The following SGMS1 variants were observed in gnomAD, a reference collection of about 807,000 sequenced individuals.
SGMS1 encodes sphingomyelin synthase 1.
SGMS1 carries 13 observed loss-of-function variants against 46.2 expected under a neutral mutation model. That is an observed-to-expected ratio of 0.28 (90% CI 0.18 to 0.45). The LOEUF is 0.45. Among genes scored for constraint, SGMS1 ranks in the 20% least tolerant of loss-of-function variants. The pLI, the probability that SGMS1 is intolerant of heterozygous loss-of-function variation, is 1.00. For missense variants in SGMS1, 324 were observed against 519.9 expected, an observed-to-expected ratio of 0.62 and a Z score of 3.66; for synonymous variants, 203 against 187.8, an observed-to-expected ratio of 1.08 and a Z score of -0.66.
intron 6 of SGMS1, chr10:50,418,386 C>T: frequency 6.6e-6 from 1 of 152,326 alleles, no homozygotes; most frequent in East Asian, 1.9e-4. Flanking sequence ...AGCCGGACCT[C>T]AGAGGCTCCA....
intron 2 of SGMS1, among the ~76,000 whole-genome samples, chr10:50,543,998 C>A (rs1838078370): frequency 6.6e-6 from 1 of 152,108 alleles, no homozygotes; most frequent in Non-Finnish European, 1.5e-5. Flanking sequence ...GCAGCACTAC[C>A]AAAATCAAAG....
intron 3 of SGMS1, among the ~76,000 whole-genome samples, chr10:50,472,044 C>T (rs192838191): frequency 7.1e-4 from 108 of 151,960 alleles, no homozygotes; most frequent in Non-Finnish European, 1.2e-3. Flanking sequence ...GTCAAGACCA[C>T]CTTTACTTTC....
intron 6 of SGMS1, among the ~76,000 whole-genome samples, chr10:50,370,399 T>C (rs1373300145): frequency 1.3e-5 from 2 of 151,672 alleles, no homozygotes; most frequent in Admixed American, 1.3e-4. Context: ...GGCTTTTTTC[T>C]ATTTTTTAAA....
chr10:50,384,026 ATGAGAGTACAG>A (rs1217263874), intron 6 of SGMS1, among the ~76,000 whole-genome samples: 1 of 152,170 alleles, frequency 6.6e-6, no homozygotes, highest in African/African-American at 2.4e-5. Flanking sequence ...CTTCTGCCAC[ATGAGAGTACAG>A]TGAGAAGACA....
intron 1 of SGMS1, among the ~76,000 whole-genome samples, chr10:50,610,030 C>T (rs181996804): frequency 1.2e-4 from 19 of 152,316 alleles, no homozygotes; most frequent in African/African-American, 4.3e-4. Context: ...AATGGCTCAA[C>T]CTCCTCTTCT....
intron 2 of SGMS1, among the ~76,000 whole-genome samples, chr10:50,523,916 C>T (rs1478826874): frequency 6.6e-6 from 1 of 152,240 alleles, no homozygotes; most frequent in African/African-American, 2.4e-5. Context: ...TGCGCACACA[C>T]ACACGCAGCA....
At chr10:50,568,690 G>A (rs1167076909) in intron 2 of SGMS1, among the ~76,000 whole-genome samples, 1 of 152,116 alleles carries the variant, frequency 6.6e-6, no homozygotes, top group African/African-American at 2.4e-5. Flanking sequence ...AGTAAAGTTT[G>A]TTTTGTTAAA....
intron 3 of SGMS1, among the ~76,000 whole-genome samples, chr10:50,472,212 T>C (rs975268229): frequency 2.0e-5 from 3 of 152,210 alleles, no homozygotes; most frequent in African/African-American, 7.2e-5. Context: ...TTATTTTTTA[T>C]AGTGAAAACA....
chr10:50,508,456 T>C (rs1588858161), intron 3 of SGMS1, among the ~76,000 whole-genome samples: 1 of 152,278 alleles, frequency 6.6e-6, no homozygotes, highest in South Asian at 2.1e-4. Context: ...TTAACATCTC[T>C]CTTGGTATGA....
At chr10:50,590,076 T>A (rs566537888) in intron 2 of SGMS1, 77 bp downstream of exon 2, 4 of 152,136 alleles carry the variant, frequency 2.6e-5, no homozygotes, top group African/African-American at 9.7e-5. Flanking sequence ...CAGGAACTCA[T>A]TGCACGTTCT....
In SGMS1 at chr10:50,403,435, A is replaced by G. The variant is rs192102036; in HGVS notation, c.-232+30041T>C. 5.3e-5 allele frequency among the ~76,000 whole-genome samples: 8 copies of G among 152,298 alleles called. No individual in the cohort carries two copies. The East Asian group carries it at 1.5e-3, about 29-fold the overall frequency. ...AGGGGTACATTTGTCAGGCATGCAT[A>G]TATCTAATTGACTAATGTGTTCCAA... is the stretch of plus-strand genomic sequence containing the variant. On this transcript the variant is annotated intron_variant, in intron 6 of 10. Transcript: ENST00000361781.
intron 2 of SGMS1, among the ~76,000 whole-genome samples, chr10:50,574,963 G>GTGTATATATATATATATA (rs1554793448): frequency 1.3e-4 from 13 of 99,874 alleles, no homozygotes; most frequent in African/African-American, 2.7e-4. Context: ...AAAATGTGGT[G>GTGTATATATATATATATA]TATATATATA....
chr10:50,333,225 G>A (rs973688051), intron 7 of SGMS1, among the ~76,000 whole-genome samples: 2 of 152,172 alleles, frequency 1.3e-5, no homozygotes, highest in African/African-American at 4.8e-5. Context: ...TTGTCTTTTA[G>A]TCCCAGGGAG....
In SGMS1 at chr10:50,573,219, C is replaced by T. The variant is rs1045776366; in HGVS notation, c.-589+16934G>A. On this transcript the variant is annotated intron_variant, in intron 2 of 10. Coordinates refer to ENST00000361781, the MANE Select transcript of SGMS1 (RefSeq NM_147156.4). ...CTCACTACTTCTATTCAATATGGTA[C>T]GAGACGTCCCAGCCAGAGCAATGAG... 3.3e-5 allele frequency among the ~76,000 whole-genome samples: 5 copies of T among 152,078 alleles called. 1 individual carries two copies. Among genetic ancestry groups the T allele is most frequent in the East Asian group, 1.9e-4 (1 of 5,198 alleles).
intron 1 of SGMS1, among the ~76,000 whole-genome samples, chr10:50,592,721 A>G (rs1838553516): frequency 1.3e-5 from 2 of 152,184 alleles, no homozygotes; most frequent in Admixed American, 1.3e-4. Context: ...ATACTCAGCT[A>G]CATCACTGAC....
At chr10:50,441,789 T>C (rs1427008418) in intron 5 of SGMS1, among the ~76,000 whole-genome samples, 1 of 152,252 alleles carries the variant, frequency 6.6e-6, no homozygotes, top group Non-Finnish European at 1.5e-5. Flanking sequence ...AGTAGTCTCA[T>C]TATTGTCACA....
At chr10:50,319,000 A>T (rs1754182171) in intron 8 of SGMS1, among the ~76,000 whole-genome samples, 1 of 152,142 alleles carries the variant, frequency 6.6e-6, no homozygotes, top group African/African-American at 2.4e-5. Flanking sequence ...TAAAATCTTA[A>T]ATAAAGGTCA....
Position 50,307,313 on chromosome 10 carries a change from C to T in SGMS1, c.1071G>A (p.Lys357=). ...YHTMANQQVL[K]EASQMNLLAR... The stretch of plus-strand genomic sequence containing the variant: ...CCAGGAGGTTCATCTGGGAAGCTTC[C>T]TTTAGCACCTAGGATAACAAAGAAA... The change falls in exon 11 of 11, where the codon AAG becomes AAA. Residue 357 remains lysine (K), a synonymous_variant. Transcript: ENST00000361781. The surrounding 1 kb of genome is among the most constrained non-coding windows in gnomAD (Gnocchi z 4.2). 1.2e-6 allele frequency: 2 copies of T among 1,612,320 alleles called. No individual in the cohort carries two copies. The highest frequency in any genetic ancestry group is 2.2e-5 in the East Asian group (1 of 44,830).
At chr10:50,415,718 C>T (rs193172748) in intron 6 of SGMS1, among the ~76,000 whole-genome samples, 8 of 152,298 alleles carry the variant, frequency 5.3e-5, no homozygotes, top group Non-Finnish European at 1.0e-4. Flanking sequence ...TGATCAGACA[C>T]GCTGAGACTT....
Sources: allele counts gnomAD v4.1 joint callset (sites outside exome capture counted in the v4.1 genomes callset), GRCh38; gene constraint gnomAD v4.1.1; non-coding constraint Gnocchi (gnomAD v3.1); transcripts MANE v1.5; gene names NCBI Gene and HGNC (gene_info 2026-07-23, HGNC 2026-07-21).